Variants in SLC10A7 observed in about 807,000 individuals in gnomAD.
SLC10A7 encodes sodium/bile acid cotransporter 7.
A neutral mutation model predicts 43.2 loss-of-function variants in SLC10A7; 29 were observed. The observed-to-expected ratio is 0.67, with a 90% CI of 0.50 to 0.92. The LOEUF (loss-of-function observed/expected upper bound fraction) is 0.92, where lower values mean the gene tolerates loss of function less well. Ranked by LOEUF, SLC10A7 falls within the 40% of genes least tolerant of loss-of-function variation. The pLI is 0.00. For synonymous variants in SLC10A7, 152 were observed against 144.8 expected (o/e 1.05, Z -0.35); for missense variants, 295 against 403.2 (o/e 0.73, Z 2.30).
At chr4:146,331,645 G>A (rs1733544155) in intron 5 of SLC10A7, among the ~76,000 whole-genome samples, 1 of 152,056 alleles carries the variant, frequency 6.6e-6, no homozygotes, top group Non-Finnish European at 1.5e-5. Flanking sequence ...AGAAAATCAT[G>A]TTCTTAACTT....
At chr4:146,467,833 G>A (rs1179572264) in intron 4 of SLC10A7, among the ~76,000 whole-genome samples, 1 of 152,118 alleles carries the variant, frequency 6.6e-6, no homozygotes, top group African/African-American at 2.4e-5. Context: ...AAAGTGCTGG[G>A]ATTACAGGCA....
At chr4:146,259,857 G>C (rs948204186) in intron 10 of SLC10A7, among the ~76,000 whole-genome samples, 1 of 152,304 alleles carries the variant, frequency 6.6e-6, no homozygotes, top group East Asian at 1.9e-4. Context: ...TTCTTCAACT[G>C]AATAGCTTTA....
intron 4 of SLC10A7, among the ~76,000 whole-genome samples, chr4:146,451,367 T>G (rs1731593243): frequency 6.6e-6 from 1 of 150,768 alleles, no homozygotes; most frequent in African/African-American, 2.4e-5. Context: ...GAATCCTTCC[T>G]AATTCATTCT....
chr4:146,333,650 C>T lies in SLC10A7; in HGVS notation c.436-7654G>A, dbSNP rs114430961. 6.4e-3 allele frequency among the ~76,000 whole-genome samples: 979 copies of T among 152,228 alleles called. 4 individuals carry two copies. The highest frequency in any genetic ancestry group is 0.01 in the Non-Finnish European group (688 of 68,006). On this transcript the variant is annotated intron_variant, in intron 5 of 11. Coordinates refer to ENST00000335472, the MANE Select transcript of SLC10A7 (RefSeq NM_001029998.6). ...AGCGAAGAGCAGAACGTGAGGAGTGCAGCTGTGAGAGATGAAGTTAAAAGA... is the reference window on the plus strand; with the variant it reads ...AGCGAAGAGCAGAACGTGAGGAGTGTAGCTGTGAGAGATGAAGTTAAAAGA...
rs929103740 is a variant in SLC10A7 at position 146,457,334 on chromosome 4, T to C, written c.397-14513A>G. On this transcript the variant is annotated intron_variant, in intron 4 of 11. Coordinates refer to ENST00000335472, the MANE Select transcript of SLC10A7 (RefSeq NM_001029998.6). The stretch of plus-strand genomic sequence containing the variant: ...CATACAATGTGTAATAATCACATCA[T>C]ATAAAATGGGTATCCATCTCCTCAA... 3.9e-5 allele frequency among the ~76,000 whole-genome samples: 6 copies of C among 151,924 alleles called. No individual in the cohort carries two copies. The Admixed American group carries it at 3.9e-4, about 10-fold the overall frequency.
At chr4:146,350,340 G>A (rs930004948) in intron 5 of SLC10A7, among the ~76,000 whole-genome samples, 24 of 151,126 alleles carry the variant, frequency 1.6e-4, no homozygotes, top group African/African-American at 4.1e-4. Flanking sequence ...AAAAAACGGC[G>A]CACCACGAGA....
At chr4:146,513,738 A>G (rs966286217) in intron 2 of SLC10A7, among the ~76,000 whole-genome samples, 4 of 152,230 alleles carry the variant, frequency 2.6e-5, no homozygotes, top group Admixed American at 6.5e-5. Context: ...TATATTTTCC[A>G]TATCTTCTGC....
chr4:146,340,988 C>A lies in SLC10A7; in HGVS notation c.436-14992G>T, dbSNP rs149624727. On this transcript the variant is annotated intron_variant, in intron 5 of 11. Transcript: ENST00000335472. ...AGAGGGCAACTTCTACACACTTTGA[C>A]AGTTTAAAAAAAAATCTATGCACAG... 1.1e-3 allele frequency among the ~76,000 whole-genome samples: 174 copies of A among 151,646 alleles called. 1 individual carries two copies. In the East Asian group the frequency reaches 0.02, roughly 17 times the overall value.
Position 146,258,087 on chromosome 4 carries a change from T to C in SLC10A7, c.993+605A>G, listed in dbSNP as rs151271379. Among the ~76,000 whole-genome samples, 39 of 152,374 alleles carry C rather than the reference T, an allele frequency of 2.6e-4. No homozygotes were observed. The East Asian group carries it at 7.1e-3, about 28-fold the overall frequency. On this transcript the variant is annotated intron_variant, in intron 11 of 11. Transcript: ENST00000335472. The stretch of plus-strand genomic sequence containing the variant: ...CCATCTAAACTTCTTGTGAATCACC[T>C]GGTTTACTTATTTTGTTGATAATTT...
intron 5 of SLC10A7, chr4:146,408,589 ATATTGTTGAAC>A (rs1334213590): frequency 2.0e-5 from 3 of 152,084 alleles, no homozygotes; most frequent in Non-Finnish European, 4.4e-5. Flanking sequence ...TTGAGACTTT[ATATTGTTGAAC>A]ATCAGACTCA....
intron 4 of SLC10A7, among the ~76,000 whole-genome samples, chr4:146,470,279 A>C (rs183609316): frequency 3.8e-4 from 58 of 152,238 alleles, no homozygotes; most frequent in Non-Finnish European, 4.4e-5. Flanking sequence ...CTTTTAAAGA[A>C]TGTTCTCAGT....
At chr4:146,440,922 C>G (rs758237516) in intron 5 of SLC10A7, among the ~76,000 whole-genome samples, 5 of 152,242 alleles carry the variant, frequency 3.3e-5, no homozygotes, top group African/African-American at 9.6e-5. Flanking sequence ...GCAATCACTT[C>G]TGTCAGACCT....
Position 146,466,913 on chromosome 4 carries a change from C to A in SLC10A7, c.397-24092G>T, listed in dbSNP as rs557508328. Among the ~76,000 whole-genome samples the A allele has an allele frequency of 1.3e-3, 194 of 152,210 alleles. 2 individuals are homozygous for A. Among genetic ancestry groups the A allele is most frequent in the African/African-American group, 4.5e-3 (185 of 41,530 alleles). On this transcript the variant is annotated intron_variant, in intron 4 of 11. Transcript: ENST00000335472. ...TAGGAGGAAAGCCTAGGATGAAGCACCTATTTTCAATGTTAAGATTAACTA... is the reference window on the plus strand; with the variant it reads ...TAGGAGGAAAGCCTAGGATGAAGCAACTATTTTCAATGTTAAGATTAACTA...
intron 5 of SLC10A7, among the ~76,000 whole-genome samples, chr4:146,372,672 G>A (rs551985749): frequency 9.9e-5 from 15 of 152,124 alleles, no homozygotes; most frequent in African/African-American, 2.7e-4. Flanking sequence ...ATTTAAATAA[G>A]GCATTAATAA....
chr4:146,482,183 C>A (rs1315983977), intron 4 of SLC10A7, among the ~76,000 whole-genome samples: 1 of 152,008 alleles, frequency 6.6e-6, no homozygotes, highest in African/African-American at 2.4e-5. Flanking sequence ...GCACAGACAT[C>A]AATGCAAAAA....
chr4:146,521,531 C>T (rs1204037497), intron 1 of SLC10A7, 87 bp downstream of exon 1: 5 of 1,125,072 alleles, frequency 4.4e-6, no homozygotes, highest in Middle Eastern at 4.1e-4. Context: ...CAAGCGCTTG[C>T]AATGAGGGTT....
At chr4:146,309,466 G>C (rs1432523101) in intron 6 of SLC10A7, among the ~76,000 whole-genome samples, 3 of 152,156 alleles carry the variant, frequency 2.0e-5, no homozygotes, top group Admixed American at 2.0e-4. Flanking sequence ...AGCCTGGGGA[G>C]AGGGATGGGA....
chr4:146,344,571 C>A (rs547299555), intron 5 of SLC10A7, among the ~76,000 whole-genome samples: 19 of 151,930 alleles, frequency 1.3e-4, no homozygotes, highest in Admixed American at 5.9e-4. Flanking sequence ...GTTCCTAAGA[C>A]CTTTTGGAGG....
intron 5 of SLC10A7, among the ~76,000 whole-genome samples, chr4:146,364,885 T>G (rs1044857361): frequency 6.6e-6 from 1 of 152,092 alleles, no homozygotes; most frequent in Non-Finnish European, 1.5e-5. Context: ...AAAAATCATA[T>G]GTACCCCATA....
Sources: allele counts gnomAD v4.1 joint callset (sites outside exome capture counted in the v4.1 genomes callset), GRCh38; gene constraint gnomAD v4.1.1; transcripts MANE v1.5; gene names NCBI Gene and HGNC (gene_info 2026-07-23, HGNC 2026-07-21).